The following LRP1B variants were observed in gnomAD, a reference collection of about 807,000 sequenced individuals.
The protein encoded by LRP1B is low-density lipoprotein receptor-related protein 1B.
A neutral mutation model predicts 556.6 loss-of-function variants in LRP1B; 217 were observed. The observed-to-expected ratio is 0.39, with a 90% CI of 0.35 to 0.44. LRP1B has a LOEUF of 0.44. Among genes scored for constraint, LRP1B ranks in the 20% least tolerant of loss-of-function variants. The probability of loss-of-function intolerance (pLI) is 1.00; values close to 1 mark genes in which losing one functional copy is unlikely to be tolerated. For missense variants in LRP1B, 5,053 were observed against 5,620.8 expected, an observed-to-expected ratio of 0.90 and a Z score of 3.23; for synonymous variants, 2,047 against 1,865.8, an observed-to-expected ratio of 1.10 and a Z score of -2.50.
At chr2:141,553,538 C>T (rs1425937960) in intron 2 of LRP1B, among the ~76,000 whole-genome samples, 2 of 151,018 alleles carry the variant, frequency 1.3e-5, no homozygotes, top group Non-Finnish European at 3.0e-5. Flanking sequence ...GTTGAGGAAA[C>T]ATTCATGCTG....
intron 31 of LRP1B, among the ~76,000 whole-genome samples, chr2:140,833,225 G>T (rs1691778337): frequency 6.6e-6 from 1 of 152,150 alleles, no homozygotes; most frequent in Non-Finnish European, 1.5e-5. Context: ...TCAAATAAAA[G>T]TTTGTAAAGT....
At chr2:140,778,880 A>C (rs904426938) in intron 32 of LRP1B, among the ~76,000 whole-genome samples, 2 of 152,072 alleles carry the variant, frequency 1.3e-5, no homozygotes, top group African/African-American at 4.8e-5. Flanking sequence ...TGTAAAATAT[A>C]GACCATTGCC....
intron 2 of LRP1B, among the ~76,000 whole-genome samples, chr2:141,739,121 T>C (rs918582937): frequency 3.9e-5 from 6 of 151,936 alleles, no homozygotes; most frequent in Admixed American, 2.6e-4. Context: ...ATGGAGAAAA[T>C]AAAAACCTTA....
intron 41 of LRP1B, among the ~76,000 whole-genome samples, chr2:140,673,722 G>T (rs1230074495): frequency 6.6e-6 from 1 of 152,004 alleles, no homozygotes. Flanking sequence ...TCAGTCAAGG[G>T]GATTCCAAAG....
chr2:141,375,553 G>C (rs1428534886), intron 3 of LRP1B, among the ~76,000 whole-genome samples: 1 of 152,116 alleles, frequency 6.6e-6, no homozygotes, highest in Non-Finnish European at 1.5e-5. Flanking sequence ...CAGTCCCACA[G>C]CTCCAGTCCC....
chr2:142,076,667 A>T (rs1559057419), intron 1 of LRP1B, among the ~76,000 whole-genome samples: 1 of 152,102 alleles, frequency 6.6e-6, no homozygotes, highest in Non-Finnish European at 1.5e-5. Context: ...ACAAGGGAAC[A>T]TTCAGTAGTA....
chr2:141,891,626 T>C (rs1049232964), intron 1 of LRP1B, among the ~76,000 whole-genome samples: 4 of 152,162 alleles, frequency 2.6e-5, no homozygotes, highest in African/African-American at 9.6e-5. Context: ...GATTTCTTAA[T>C]GTTAGAATGT....
chr2:141,864,261 G>T (rs757527216), intron 1 of LRP1B, among the ~76,000 whole-genome samples: 6 of 152,242 alleles, frequency 3.9e-5, no homozygotes, highest in South Asian at 4.1e-4. Flanking sequence ...AGGTTTTTGA[G>T]ATTAAAGCTA....
chr2:141,123,241 T>TTC (rs1701110001), intron 7 of LRP1B, among the ~76,000 whole-genome samples: 1 of 143,210 alleles, frequency 7.0e-6, no homozygotes, highest in Non-Finnish European at 1.5e-5. Context: ...TAAAGTATAA[T>TTC]AAAAAAAAAT....
intron 2 of LRP1B, among the ~76,000 whole-genome samples, chr2:141,678,653 AC>A (rs1398297045): frequency 1.2e-4 from 18 of 152,296 alleles, no homozygotes; most frequent in Non-Finnish European, 2.6e-4. Flanking sequence ...TATTCAGAAC[AC>A]TCAAAGAATA....
chr2:141,723,492 C>T (rs1443172824), intron 2 of LRP1B, among the ~76,000 whole-genome samples: 1 of 151,510 alleles, frequency 6.6e-6, no homozygotes, highest in African/African-American at 2.4e-5. Flanking sequence ...TAACATTCTT[C>T]AGAAAAATAT....
intron 7 of LRP1B, among the ~76,000 whole-genome samples, chr2:141,164,974 T>G (rs1432410314): frequency 1.3e-5 from 2 of 152,006 alleles, no homozygotes; most frequent in Admixed American, 6.6e-5. Context: ...TATTCCTCTC[T>G]CTAGCTTGCC....
At chr2:141,241,274 G>A (rs930587601) in intron 5 of LRP1B, among the ~76,000 whole-genome samples, 3 of 152,062 alleles carry the variant, frequency 2.0e-5, no homozygotes, top group African/African-American at 4.8e-5. Context: ...CCAGGCTACC[G>A]GTCCGGGATT....
At chr2:141,779,414 A>T (rs964268732) in intron 2 of LRP1B, among the ~76,000 whole-genome samples, 1 of 146,678 alleles carries the variant, frequency 6.8e-6, no homozygotes, top group African/African-American at 2.5e-5. Flanking sequence ...TGTTCAAAAT[A>T]AAAACTTTTT....
chr2:141,152,144 A>G (rs2105085745), intron 7 of LRP1B, among the ~76,000 whole-genome samples: 1 of 152,014 alleles, frequency 6.6e-6, no homozygotes, highest in Non-Finnish European at 1.5e-5. Flanking sequence ...GCAGCACAGT[A>G]TAGGAGGAGA....
intron 83 of LRP1B, among the ~76,000 whole-genome samples, chr2:140,299,566 C>T (rs1177024376): frequency 1.3e-5 from 2 of 151,942 alleles, no homozygotes; most frequent in African/African-American, 4.8e-5. Context: ...AGATATTTTC[C>T]TTAAAATGGC....
intron 57 of LRP1B, among the ~76,000 whole-genome samples, chr2:140,492,123 A>G (rs557783133): frequency 1.3e-5 from 2 of 152,332 alleles, no homozygotes; most frequent in South Asian, 4.1e-4. Flanking sequence ...GGAAGACTAA[A>G]GAATCCAACT....
chr2:140,617,240 A>G (rs1005080577), intron 41 of LRP1B, among the ~76,000 whole-genome samples: 1 of 151,920 alleles, frequency 6.6e-6, no homozygotes, highest in Non-Finnish European at 1.5e-5. Context: ...AAACTACCAG[A>G]ACACAAAAAC....
At chr2:140,744,360 G>C (rs114924353) in intron 35 of LRP1B, among the ~76,000 whole-genome samples, 2 of 151,982 alleles carry the variant, frequency 1.3e-5, no homozygotes, top group Admixed American at 6.6e-5. Context: ...TGGAAAATTC[G>C]TATTTTGATC....
Sources: gnomAD v4.1 joint callset for allele counts (sites outside exome capture counted in the v4.1 genomes callset) on GRCh38, gnomAD v4.1.1 for gene constraint, MANE v1.5 for transcripts, NCBI Gene and HGNC (gene_info 2026-07-23, HGNC 2026-07-21) for gene names.